Variants in ARHGAP15 observed in about 807,000 individuals in gnomAD.
ARHGAP15 encodes Rho GTPase activating protein 15, also known as rho GTPase-activating protein 15.
A neutral mutation model predicts 63.7 loss-of-function variants in ARHGAP15; 51 were observed. The ratio of observed to expected loss-of-function variants is 0.80; its 90% CI spans 0.64 to 1.01. The LOEUF (loss-of-function observed/expected upper bound fraction) is 1.01. ARHGAP15 is among the 50% of genes least tolerant of loss of function. The probability of loss-of-function intolerance (pLI) is 0.00; values close to 1 mark genes in which losing one functional copy is unlikely to be tolerated. For synonymous variants in ARHGAP15, 191 were observed against 193.8 expected (o/e 0.99, Z 0.12); for missense variants, 560 against 564.6 (o/e 0.99, Z 0.08).
At chr2:143,468,663 A>AGAGAGAGTGTGTGTGT (rs764115175) in intron 8 of ARHGAP15, among the ~76,000 whole-genome samples, 2 of 136,238 alleles carry the variant, frequency 1.5e-5, no homozygotes, top group African/African-American at 5.5e-5. Context: ...AGAGAGAGAG[A>AGAGAGAGTGTGTGTGT]GTGTGTGTGT....
At chr2:143,286,700 C>T (rs149409200) in intron 6 of ARHGAP15, among the ~76,000 whole-genome samples, 2,759 of 152,182 alleles carry the variant, frequency 0.018, 49 homozygotes, top group African/African-American at 0.035. Flanking sequence ...GGAAATGCAT[C>T]GGCAGGAAAT....
At chr2:143,373,629 CAAAAAAAAAA>C (rs58153000) in intron 6 of ARHGAP15, among the ~76,000 whole-genome samples, 2 of 62,954 alleles carry the variant, frequency 3.2e-5, no homozygotes, top group Non-Finnish European at 6.2e-5. Flanking sequence ...GACTCTATCT[CAAAAAAAAAA>C]AAAAAAAAAA....
intron 2 of ARHGAP15, among the ~76,000 whole-genome samples, chr2:143,167,182 C>T (rs945374547): frequency 4.6e-5 from 7 of 152,054 alleles, no homozygotes; most frequent in African/African-American, 1.7e-4. Flanking sequence ...GAGCATTGTC[C>T]TTCAAGTAGC....
At chr2:143,671,469 C>G (rs1200494377) in intron 12 of ARHGAP15, among the ~76,000 whole-genome samples, 1 of 152,074 alleles carries the variant, frequency 6.6e-6, no homozygotes, top group Non-Finnish European at 1.5e-5. Flanking sequence ...ATTGATTTGA[C>G]TAAAGAACTT....
intron 6 of ARHGAP15, among the ~76,000 whole-genome samples, chr2:143,263,275 T>C (rs73962385): frequency 0.047 from 7,134 of 152,190 alleles, 543 homozygotes; most frequent in African/African-American, 0.16. Flanking sequence ...ACATTGCTAA[T>C]TCAGCATTCT....
intron 1 of ARHGAP15, among the ~76,000 whole-genome samples, chr2:143,147,444 C>G (rs1689635600): frequency 6.6e-6 from 1 of 151,870 alleles, no homozygotes; most frequent in Non-Finnish European, 1.5e-5. Flanking sequence ...TTACTTATGC[C>G]CCTTATGGCT....
chr2:143,486,408 C>CAAAAA (rs35904219), intron 8 of ARHGAP15, among the ~76,000 whole-genome samples: 3 of 133,342 alleles, frequency 2.2e-5, no homozygotes, highest in Admixed American at 7.7e-5. Context: ...CCATTTCTAC[C>CAAAAA]AAAAAAAAAA....
chr2:143,557,699 A>G (rs1695865415), intron 11 of ARHGAP15, among the ~76,000 whole-genome samples: 1 of 152,126 alleles, frequency 6.6e-6, no homozygotes, highest in Admixed American at 6.6e-5. Context: ...TGCTATTAAT[A>G]GGGAAAATTT....
chr2:143,340,440 A>C (rs1358027069), intron 6 of ARHGAP15, among the ~76,000 whole-genome samples: 1 of 152,078 alleles, frequency 6.6e-6, no homozygotes, highest in East Asian at 1.9e-4. Flanking sequence ...AAGATTTTGA[A>C]GGTTTTCTCT....
chr2:143,445,926 T>G (rs1362093780), intron 8 of ARHGAP15, among the ~76,000 whole-genome samples: 2 of 151,972 alleles, frequency 1.3e-5, no homozygotes, highest in Non-Finnish European at 2.9e-5. Context: ...AATACTTTTC[T>G]CTAGTGTCAG....
At chr2:143,244,497 A>G (rs1195445374) in intron 5 of ARHGAP15, among the ~76,000 whole-genome samples, 8 of 152,318 alleles carry the variant, frequency 5.3e-5, no homozygotes, top group African/African-American at 1.7e-4. Flanking sequence ...AGATAAATGT[A>G]TTTCAGATGA....
chr2:143,495,960 C>T (rs1692796582), intron 9 of ARHGAP15, among the ~76,000 whole-genome samples: 1 of 152,192 alleles, frequency 6.6e-6, no homozygotes, highest in East Asian at 1.9e-4. Context: ...ACGATATGCA[C>T]TAATGTGCTT....
chr2:143,239,687 A>G (rs1301405554), intron 5 of ARHGAP15, among the ~76,000 whole-genome samples: 4 of 152,120 alleles, frequency 2.6e-5, no homozygotes, highest in Non-Finnish European at 5.9e-5. Context: ...CTGTCTCTAC[A>G]AAAGTTTTTT....
chr2:143,438,047 G>C (rs1689691294), intron 8 of ARHGAP15, among the ~76,000 whole-genome samples: 1 of 152,046 alleles, frequency 6.6e-6, no homozygotes, highest in African/African-American at 2.4e-5. Context: ...GACATCTTTG[G>C]AACCAGAGAA....
intron 8 of ARHGAP15, among the ~76,000 whole-genome samples, chr2:143,456,388 G>C (rs1690655478): frequency 6.6e-6 from 1 of 152,066 alleles, no homozygotes; most frequent in East Asian, 1.9e-4. Context: ...AAATCATTTT[G>C]AATTTTCTAT....
At chr2:143,597,757 A>G (rs1697580493) in intron 11 of ARHGAP15, among the ~76,000 whole-genome samples, 4 of 152,188 alleles carry the variant, frequency 2.6e-5, no homozygotes, top group Admixed American at 6.6e-5. Flanking sequence ...AACAAACCTG[A>G]GAGCTCAATA....
chr2:143,597,259 TATA>T (rs943765502), intron 11 of ARHGAP15, among the ~76,000 whole-genome samples: 2 of 151,924 alleles, frequency 1.3e-5, no homozygotes, highest in Admixed American at 1.3e-4. Flanking sequence ...TGCAAAATAT[TATA>T]ATAAAGAAAT....
intron 9 of ARHGAP15, among the ~76,000 whole-genome samples, chr2:143,499,744 T>C (rs537015927): frequency 6.6e-6 from 1 of 152,280 alleles, no homozygotes; most frequent in East Asian, 1.9e-4. Flanking sequence ...TAGAGTGTTG[T>C]GTACATCTCT....
At chr2:143,608,555 A>G (rs1176009223) in intron 11 of ARHGAP15, 2 of 152,224 alleles carry the variant, frequency 1.3e-5, no homozygotes, top group African/African-American at 4.8e-5. Flanking sequence ...GTCACACGGA[A>G]ATTACTAACT....
Sources: allele counts gnomAD v4.1 joint callset (sites outside exome capture counted in the v4.1 genomes callset), GRCh38; gene constraint gnomAD v4.1.1; transcripts MANE v1.5; gene names NCBI Gene and HGNC (gene_info 2026-07-23, HGNC 2026-07-21).